Variants in ABCA12 observed in about 807,000 individuals in gnomAD.
The protein encoded by ABCA12 is ATP binding cassette subfamily A member 12.
In ABCA12, 156 loss-of-function variants were observed where a neutral mutation model predicts 293.5. That is an observed-to-expected ratio of 0.53 (90% CI 0.47 to 0.61). The LOEUF (loss-of-function observed/expected upper bound fraction) is 0.61. ABCA12 is among the 20% of genes least tolerant of loss of function. ABCA12 has a pLI of 0.00. For synonymous variants in ABCA12, 1,063 were observed against 1,108.0 expected, an observed-to-expected ratio of 0.96 and a Z score of 0.81; for missense variants, 2,797 against 3,090.2, an observed-to-expected ratio of 0.91 and a Z score of 2.25.
rs1699684215 is a variant in ABCA12, at chr2:214,982,243, C to A, written c.4523G>T (p.Gly1508Val). 1 of 1,613,900 alleles carries A rather than the reference C, an allele frequency of 6.2e-7. No individual in the cohort carries two copies. Among genetic ancestry groups the A allele is most frequent in the African/African-American group, 1.3e-5 (1 of 74,880 alleles). The change falls in exon 30 of 53, where the codon GGA becomes GTA. Residue 1508 changes from glycine to valine, a missense_variant. Coordinates refer to ENST00000272895, the MANE Select transcript of ABCA12 (RefSeq NM_173076.3). ...ACTTCGGCGAGAACATGGGTCAACT[C>A]CAGTAGATGGTTCATCCAAAATTAC... ...RVVILDEPST[G>V]VDPCSRRSIW...
At chr2:215,097,718 A>G (rs757289595) in intron 2 of ABCA12, among the ~76,000 whole-genome samples, 5 of 152,162 alleles carry the variant, frequency 3.3e-5, no homozygotes, top group Non-Finnish European at 5.9e-5. Flanking sequence ...CTGATTGCTT[A>G]TTGTTCTGGG....
rs4564768 is a variant in ABCA12 at position 215,094,831 on chromosome 2, C to G, written c.163+16766G>C. 3.9e-5 allele frequency among the ~76,000 whole-genome samples: 6 copies of G among 152,146 alleles called. No homozygotes were observed. In the East Asian group the frequency reaches 5.8e-4, roughly 15 times the overall value. On this transcript the variant is annotated intron_variant, in intron 2 of 52. Transcript: ENST00000272895. ...TACAACCTCTAACAGCTGCTGCCCT[C>G]GCTAAATCCCTAAGAGTCTGAGTGC... is the stretch of plus-strand genomic sequence containing the variant.
intron 1 of ABCA12, among the ~76,000 whole-genome samples, chr2:215,126,184 G>A (rs569321646): frequency 3.9e-4 from 59 of 152,190 alleles, no homozygotes; most frequent in African/African-American, 1.4e-3. Context: ...ATATGTTGCT[G>A]GATTCGGTTA....
chr2:215,105,178 A>C (rs2106121185), intron 2 of ABCA12, among the ~76,000 whole-genome samples: 1 of 152,326 alleles, frequency 6.6e-6, no homozygotes, highest in South Asian at 2.1e-4. Flanking sequence ...CTATCCAATA[A>C]GTGAGTCAAG....
At chr2:215,105,124 G>A (rs1010982664) in intron 2 of ABCA12, among the ~76,000 whole-genome samples, 1 of 152,106 alleles carries the variant, frequency 6.6e-6, no homozygotes, top group African/African-American at 2.4e-5. Flanking sequence ...GCTATACCTT[G>A]TGCGTACAGT....
In ABCA12 at chr2:215,019,540, T is replaced by C. The variant is rs1050763378; in HGVS notation, c.1544A>G (p.Gln515Arg). 1.2e-6 allele frequency: 2 copies of C among 1,614,136 alleles called. No homozygotes were observed. The highest frequency in any genetic ancestry group is 3.3e-5 in the Admixed American group (2 of 60,002). ...GGAAGAAGACAATGGAAAAACTTAC[T>C]GATCCATATTTAAATTAATTTTGCT... ...DPSKINLNMDQFLEQALQMNY... is the reference protein window; with the variant it reads ...DPSKINLNMDRFLEQALQMNY... The change falls in exon 12 of 53, where the codon CAG becomes CGG. Residue 515 changes from glutamine (Q) to arginine (R), a missense_variant and splice_region_variant. This residue lies in a region of ABCA12 where 656 missense variants were observed against 638.2 expected (regional missense o/e 1.03). Transcript: ENST00000272895.
chr2:215,040,247 A>C (rs969589054), intron 7 of ABCA12, among the ~76,000 whole-genome samples: 1 of 152,212 alleles, frequency 6.6e-6, no homozygotes, highest in Non-Finnish European at 1.5e-5. Flanking sequence ...AATAAAAGTC[A>C]GATGCTATTC....
At chr2:215,130,468 T>G (rs541296632) in intron 1 of ABCA12, among the ~76,000 whole-genome samples, 2 of 152,272 alleles carry the variant, frequency 1.3e-5, no homozygotes, top group South Asian at 4.1e-4. Context: ...AATATATGTC[T>G]AGGTATTTTT....
At chr2:215,093,847 T>C (rs1702197887) in intron 2 of ABCA12, among the ~76,000 whole-genome samples, 2 of 152,196 alleles carry the variant, frequency 1.3e-5, no homozygotes, top group Admixed American at 1.3e-4. Context: ...ATACCACACC[T>C]GACCCCCATG....
At chr2:214,982,140 C>G (rs1271982067) in intron 30 of ABCA12, 47 bp downstream of exon 30, 1 of 1,600,648 alleles carries the variant, frequency 6.2e-7, no homozygotes, top group Non-Finnish European at 8.6e-7. Context: ...TGCCAGAGGG[C>G]AGAAGTATGA....
At chr2:214,981,999 A>G (rs2105966303) in intron 30 of ABCA12, among the ~76,000 whole-genome samples, 188 bp downstream of exon 30, 1 of 139,050 alleles carries the variant, frequency 7.2e-6, no homozygotes, top group Admixed American at 7.6e-5. Flanking sequence ...ATTATTATTG[A>G]CAGCGTCTCA....
Position 215,049,515 on chromosome 2 carries a change from C to T in ABCA12, c.693+111G>A. ...TGTGCAAATGTCTATGTGAGGAAAA[C>T]ATGCCTAAGGTAAACAAATATCCCA... On this transcript the variant is annotated intron_variant, in intron 6 of 52. Transcript: ENST00000272895. 4.7e-6 allele frequency: 5 copies of T among 1,064,560 alleles called. No individual in the cohort carries two copies. In the South Asian group the frequency reaches 7.0e-5, roughly 15 times the overall value. The allele number at this position is 1,064,560 out of a possible 1,614,324, so 65.9% of individuals were successfully genotyped here. A position where few individuals can be genotyped will look rare whatever the true frequency, so the allele number is the denominator to read the frequency against.
intron 2 of ABCA12, among the ~76,000 whole-genome samples, chr2:215,096,403 G>A (rs1475679574): frequency 6.6e-6 from 1 of 152,040 alleles, no homozygotes; most frequent in Non-Finnish European, 1.5e-5. Flanking sequence ...TAAGAGTTTT[G>A]ATTTTTCTCA....
chr2:215,051,684 GGAGAGA>G (rs148312850), intron 5 of ABCA12, among the ~76,000 whole-genome samples: 3 of 141,372 alleles, frequency 2.1e-5, no homozygotes, highest in African/African-American at 7.8e-5. Flanking sequence ...AAGGTGAGTG[GGAGAGA>G]GAGAGAGAGA....
chr2:214,964,373 G>A (rs7608791), intron 39 of ABCA12, among the ~76,000 whole-genome samples: 2,288 of 152,232 alleles, frequency 0.015, 66 homozygotes, highest in African/African-American at 0.051. Flanking sequence ...GGAAGTTTTC[G>A]CCAGAGCAAT....
intron 7 of ABCA12, among the ~76,000 whole-genome samples, chr2:215,038,305 A>G (rs1701030759): frequency 6.6e-6 from 1 of 152,184 alleles, no homozygotes; most frequent in Admixed American, 6.6e-5. Context: ...AAAGTTGAAA[A>G]AAGTTAAGTA....
intron 50 of ABCA12, among the ~76,000 whole-genome samples, chr2:214,942,029 AGTTGATGCAGTTTCTTCATAGT>A (rs1208754070): frequency 6.6e-6 from 1 of 152,156 alleles, no homozygotes; most frequent in Non-Finnish European, 1.5e-5. Context: ...TGTGTTTGTT[AGTTGATGCAGTTTCTTCATAGT>A]GTTGATGGTC....
At chr2:215,016,067 C>G (rs1276797898) in intron 14 of ABCA12, among the ~76,000 whole-genome samples, 1 of 151,058 alleles carries the variant, frequency 6.6e-6, no homozygotes, top group East Asian at 2.0e-4. Flanking sequence ...TGACGTGAAC[C>G]CTGGAGGTGG....
Position 214,950,749 on chromosome 2 carries a change from C to A in ABCA12, c.6852+130G>T. On this transcript the variant is annotated intron_variant, in intron 45 of 52. Coordinates refer to ENST00000272895, the MANE Select transcript of ABCA12 (RefSeq NM_173076.3). Reference sequence around the variant, plus strand: ...CAAACTCTTGACCTCAAGTGATCCACCCACCTCGGCCTCCCAAAGTGCTAA... The same window carrying A: ...CAAACTCTTGACCTCAAGTGATCCAACCACCTCGGCCTCCCAAAGTGCTAA... 9 of 948,484 alleles carry A rather than the reference C, an allele frequency of 9.5e-6. No individual in the cohort carries two copies. The South Asian group carries it at 1.3e-4, about 13-fold the overall frequency. The allele number at this position is 948,484 out of a possible 1,614,324, so 58.8% of individuals were successfully genotyped here. A position where few individuals can be genotyped will look rare whatever the true frequency, so the allele number is the denominator to read the frequency against.
Sources: allele counts gnomAD v4.1 joint callset (sites outside exome capture counted in the v4.1 genomes callset), GRCh38; gene constraint gnomAD v4.1.1; regional missense constraint gnomAD v4.1.1; transcripts MANE v1.5; gene names NCBI Gene and HGNC (gene_info 2026-07-23, HGNC 2026-07-21).